Variants in DOK7 observed in about 807,000 individuals in gnomAD.
The protein encoded by DOK7 is docking protein 7.
A neutral mutation model predicts 30.7 loss-of-function variants in DOK7; 32 were observed. That is an observed-to-expected ratio of 1.04 (90% confidence interval 0.79 to 1.40). DOK7 has a LOEUF of 1.40. Ranked by LOEUF, DOK7 falls within the 40% of genes most tolerant of loss-of-function variation. DOK7 has a pLI of 0.00. For missense variants in DOK7, 1,007 were observed against 699.2 expected (o/e 1.44, Z -4.97); for synonymous variants, 447 against 324.1 (o/e 1.38, Z -4.07).
In DOK7 at chr4:3,493,167, A is replaced by T; in HGVS notation, c.1181A>T (p.Glu394Val). 1 of 1,608,150 alleles carries T rather than the reference A, an allele frequency of 6.2e-7. No individual in the cohort carries two copies. Among genetic ancestry groups the T allele is most frequent in the Non-Finnish European group, 8.5e-7 (1 of 1,178,354 alleles). Residue 394 changes from glutamate (E) to valine (V), a missense_variant, in exon 7 of 7, where the codon GAG becomes GTG. Transcript: ENST00000340083. ...SLCTCLPGTV[E>V]YQVPTSLRAH... ...TGCACCTGCCTGCCCGGGACAGTCG[A>T]GTACCAGGTGCCCACCTCCCTGCGG... is the stretch of plus-strand genomic sequence containing the variant.
intron 4 of DOK7, among the ~76,000 whole-genome samples, chr4:3,480,569 T>C (rs73080940): frequency 0.14 from 21,674 of 152,192 alleles, 1,664 homozygotes; most frequent in East Asian, 0.24. Context: ...GATCCCGCCA[T>C]TGCAGTCCAG....
chr4:3,492,647 G>C (rs1728555361), intron 6 of DOK7, 112 bp from the exon 7 acceptor site: 34 of 1,468,108 alleles, frequency 2.3e-5, no homozygotes, highest in Middle Eastern at 2.2e-4. Flanking sequence ...GGGCTGGAAG[G>C]GGTGGGGCGA....
intron 2 of DOK7, among the ~76,000 whole-genome samples, chr4:3,472,070 A>G (rs1340804163): frequency 6.6e-6 from 1 of 152,232 alleles, no homozygotes; most frequent in Non-Finnish European, 1.5e-5. Context: ...TGAAAGCTGC[A>G]TGCTTGCCCT....
chr4:3,500,811 G>A, exon 8 of DOK7: 1 of 1,532,352 alleles, frequency 6.5e-7, no homozygotes, highest in East Asian at 2.4e-5. Flanking sequence ...GCAGAGGAAG[G>A]CAGCCCCGCA....
In DOK7 at chr4:3,493,403, G is replaced by C; in HGVS notation, c.1417G>C (p.Glu473Gln). 1.3e-6 allele frequency: 2 copies of C among 1,596,346 alleles called. No homozygotes were observed. The highest frequency in any genetic ancestry group is 1.7e-6 in the Non-Finnish European group (2 of 1,171,778). The change falls in exon 7 of 7, where the codon GAG becomes CAG. Residue 473 changes from glutamate to glutamine, a missense_variant. Physicochemically the swap from Glu to Gln is conservative, Grantham distance 29. Transcript: ENST00000340083. The part of the protein sequence containing the change: ...EATLPGPAPG[E>Q]PWEAGGPHAG... ...CACACTGCCTGGCCCTGCCCCTGGC[G>C]AGCCCTGGGAAGCAGGCGGCCCCCA...
At chr4:3,491,316 C>T (rs1270533100) in intron 6 of DOK7, among the ~76,000 whole-genome samples, 53 of 124,336 alleles carry the variant, frequency 4.3e-4, no homozygotes, top group African/African-American at 1.1e-3. Context: ...CCTGCCTTCT[C>T]CCCCTGCTCA....
chr4:3,496,896 G>C, downstream of DOK7: 1 of 1,523,260 alleles, frequency 6.6e-7, no homozygotes, highest in Non-Finnish European at 8.8e-7. Context: ...CAGAGCTCGG[G>C]GACAGGAAGG....
In DOK7 at chr4:3,492,987, G is replaced by A. The variant is rs1467473001; in HGVS notation, c.1001G>A (p.Ser334Asn). 1.3e-6 allele frequency: 2 copies of A among 1,557,176 alleles called. No homozygotes were observed. Among genetic ancestry groups the A allele is most frequent in the African/African-American group, 1.3e-5 (1 of 74,090 alleles). Residue 334 changes from serine (S) to asparagine (N), a missense_variant, in exon 7 of 7, where the codon AGC becomes AAC. Physicochemically the swap from Ser to Asn is conservative, Grantham distance 46. Transcript: ENST00000340083. ...CAGCTGCAGGAGGTTGGCCGCCAGA[G>A]CTCCTCGGACAGCGGCATCGCCACT... is the stretch of plus-strand genomic sequence containing the variant. ...PRQLQEVGRQ[S>N]SSDSGIATGS...
chr4:3,490,087 C>CAT (rs1491222548), intron 6 of DOK7, among the ~76,000 whole-genome samples: 27 of 41,850 alleles, frequency 6.5e-4, no homozygotes, highest in African/African-American at 2.8e-3. Context: ...TCTTCACCCC[C>CAT]TCATTCATTC....
In DOK7 at chr4:3,489,814, C is replaced by G. The variant is rs929716023; in HGVS notation, c.772+18C>G. 1 of 1,565,790 alleles carries G rather than the reference C, an allele frequency of 6.4e-7. No homozygotes were observed. The highest frequency in any genetic ancestry group is 8.7e-7 in the Non-Finnish European group (1 of 1,154,758). On this transcript the variant is annotated intron_variant, in intron 6 of 6. Coordinates refer to ENST00000340083, the MANE Select transcript of DOK7 (RefSeq NM_173660.5). ...CAGTGGAGGTAGGGCCGGGGGCTGA[C>G]CTGGGCTGTGGGACCTCGGCTAAGC...
intron 2 of DOK7, among the ~76,000 whole-genome samples, chr4:3,466,527 C>T (rs1031363756): frequency 1.3e-5 from 2 of 152,208 alleles, no homozygotes; most frequent in Non-Finnish European, 2.9e-5. Flanking sequence ...CCCCAACGGA[C>T]TGGGGCTGAC....
intron 2 of DOK7, among the ~76,000 whole-genome samples, chr4:3,469,198 TGA>T (rs1726598282): frequency 2.6e-5 from 4 of 152,000 alleles, no homozygotes; most frequent in South Asian, 4.2e-4. Flanking sequence ...TGTGCATGTA[TGA>T]GTGTGTGTGC....
At chr4:3,494,622 T>C (rs540306272), downstream of DOK7, 2 of 795,402 alleles carry the variant, frequency 2.5e-6, no homozygotes, top group East Asian at 1.3e-4. Context: ...TCATCTGTCT[T>C]GTGAGCCTTG....
At position 3,490,331 on chromosome 4, in the gene DOK7, C is replaced by T. The variant is rs192856906; in HGVS notation, c.772+535C>T. ...CCCCGGCTCATTCTTGCCTTACCTC[C>T]ATTCATTCCTTCCTTTTCCCCACAC... On this transcript the variant is annotated intron_variant, in intron 6 of 6. Coordinates refer to ENST00000340083, the MANE Select transcript of DOK7 (RefSeq NM_173660.5). 1.2e-3 allele frequency among the ~76,000 whole-genome samples: 147 copies of T among 119,562 alleles called. 1 individual carries two copies. The highest frequency in any genetic ancestry group is 4.6e-3 in the African/African-American group (138 of 29,708). 78.4% of individuals were successfully genotyped at this position (119,562 alleles called of 152,430 possible).
At chr4:3,497,490 C>G (rs1041517800), downstream of DOK7, among the ~76,000 whole-genome samples, 2 of 152,204 alleles carry the variant, frequency 1.3e-5, no homozygotes, top group Admixed American at 1.3e-4. Flanking sequence ...GGGGACAGAG[C>G]CCTGCTGAAG....
At chr4:3,490,127 C>T (rs1383500812) in intron 6 of DOK7, among the ~76,000 whole-genome samples, 2 of 115,636 alleles carry the variant, frequency 1.7e-5, no homozygotes, top group African/African-American at 6.3e-5. Flanking sequence ...TTCCTTTTCT[C>T]CCTGCTCATT....
chr4:3,479,166 C>T (rs1313844623), intron 4 of DOK7, among the ~76,000 whole-genome samples: 1 of 152,240 alleles, frequency 6.6e-6, no homozygotes, highest in Non-Finnish European at 1.5e-5. Flanking sequence ...CCTGCCCCTT[C>T]CAGCCGCTGG....
At chr4:3,496,851 C>T (rs1359405735), downstream of DOK7, 29 of 1,535,146 alleles carry the variant, frequency 1.9e-5, 1 homozygote, top group Non-Finnish European at 2.5e-5. Flanking sequence ...GGACCTGCGA[C>T]AGCACATTCA....
At chr4:3,470,466 C>T (rs1008735111) in intron 2 of DOK7, among the ~76,000 whole-genome samples, 7 of 152,162 alleles carry the variant, frequency 4.6e-5, no homozygotes, top group African/African-American at 1.7e-4. Context: ...CCAGAAAAGT[C>T]AGACAGGCCG....
Sources: gnomAD v4.1 joint callset for allele counts (sites outside exome capture counted in the v4.1 genomes callset) on GRCh38, gnomAD v4.1.1 for gene constraint, MANE v1.5 for transcripts, NCBI Gene and HGNC (gene_info 2026-07-23, HGNC 2026-07-21) for gene names.